ERP27: variants seen among roughly 807,000 people sequenced by gnomAD.
The protein encoded by ERP27 is endoplasmic reticulum resident protein 27.
A neutral mutation model predicts 27.7 loss-of-function variants in ERP27; 23 were observed. That is an observed-to-expected ratio of 0.83 (90% CI 0.60 to 1.18). ERP27 has a LOEUF of 1.18. ERP27 is among the 50% of genes most tolerant of loss of function. ERP27 has a pLI of 0.00. For missense variants in ERP27, 363 were observed against 327.9 expected (o/e 1.11, Z -0.83); for synonymous variants, 159 against 118.3 (o/e 1.34, Z -2.23).
At chr12:14,932,180 G>T (rs1406338107) in intron 3 of ERP27, among the ~76,000 whole-genome samples, 2 of 152,128 alleles carry the variant, frequency 1.3e-5, no homozygotes, top group Non-Finnish European at 2.9e-5. Flanking sequence ...TTCCAGCCTT[G>T]AATAGGTCAT....
chr12:14,934,804 C>T, intron 3 of ERP27, 52 bp downstream of exon 3: 1 of 1,610,244 alleles, frequency 6.2e-7, no homozygotes, highest in South Asian at 1.1e-5. Flanking sequence ...GTTTATGAGT[C>T]CACAACCCAG....
chr12:14,929,268 G>A (rs576448462), intron 3 of ERP27: 1 of 600,272 alleles, frequency 1.7e-6, no homozygotes, highest in East Asian at 3.7e-5. Context: ...AGGATGTTAA[G>A]TGGTGATAAC....
At chr12:14,917,009 TACA>T (rs1863420245) in intron 5 of ERP27, among the ~76,000 whole-genome samples, 166 bp downstream of exon 5, 1 of 152,232 alleles carries the variant, frequency 6.6e-6, no homozygotes, top group African/African-American at 2.4e-5. Flanking sequence ...TATGATAAAA[TACA>T]ACATCTCTAA....
intron 3 of ERP27, among the ~76,000 whole-genome samples, chr12:14,924,449 G>T (rs752234410): frequency 1.3e-5 from 2 of 152,148 alleles, no homozygotes; most frequent in African/African-American, 2.4e-5. Flanking sequence ...TTTGAGGAAT[G>T]TTCATACTGT....
Position 14,914,653 on chromosome 12 carries a change from G to T in ERP27, c.*82C>A. 7.3e-7 allele frequency: 1 copy of T among 1,361,060 alleles called. No individual in the cohort carries two copies. Among genetic ancestry groups the T allele is most frequent in the Non-Finnish European group, 1.0e-6 (1 of 966,520 alleles). The allele number at this position is 1,361,060 out of a possible 1,614,324, so 84.3% of individuals were successfully genotyped here. A position where few individuals can be genotyped will look rare whatever the true frequency, so the allele number is the denominator to read the frequency against. The stretch of plus-strand genomic sequence containing the variant: ...GGTTGGCAGGCCTAGTGATCCTGTT[G>T]TTTAGTGTCTCTGAGATTTGAGTTG... On this transcript the variant is annotated 3_prime_UTR_variant, in exon 7 of 7. Coordinates refer to ENST00000266397, the MANE Select transcript of ERP27 (RefSeq NM_152321.4).
intron 4 of ERP27, among the ~76,000 whole-genome samples, chr12:14,918,989 G>A (rs1047677086): frequency 3.9e-5 from 6 of 152,134 alleles, no homozygotes; most frequent in African/African-American, 7.2e-5. Flanking sequence ...AGTTATCTTG[G>A]CAGAAGGGAT....
intron 5 of ERP27, among the ~76,000 whole-genome samples, chr12:14,916,372 C>T (rs1358984265): frequency 6.6e-6 from 1 of 152,098 alleles, no homozygotes; most frequent in African/African-American, 2.4e-5. Context: ...AGTTTGGGCA[C>T]ATTACTCAGC....
chr12:14,925,674 T>A (rs1335514661), intron 3 of ERP27, among the ~76,000 whole-genome samples: 1 of 152,224 alleles, frequency 6.6e-6, no homozygotes, highest in African/African-American at 2.4e-5. Context: ...TTTTACAGCT[T>A]TTGAATACAG....
At chr12:14,935,351 A>G (rs537180252) in intron 2 of ERP27, among the ~76,000 whole-genome samples, 2 of 152,350 alleles carry the variant, frequency 1.3e-5, no homozygotes, top group South Asian at 4.1e-4. Flanking sequence ...TCTGGGAACA[A>G]TTTGTTTAAC....
chr12:14,925,426 T>C (rs897665547), intron 3 of ERP27, among the ~76,000 whole-genome samples: 1 of 152,224 alleles, frequency 6.6e-6, no homozygotes, highest in Non-Finnish European at 1.5e-5. Context: ...CATAGAAATC[T>C]ATACATTTCC....
intron 4 of ERP27, 139 bp from the exon 5 acceptor site, chr12:14,917,442 C>T: frequency 8.4e-7 from 1 of 1,186,112 alleles, no homozygotes; most frequent in East Asian, 2.4e-5. Flanking sequence ...TCCAAGATGG[C>T]TCTCAGTTAA....
chr12:14,928,975 A>G (rs2120600921), intron 3 of ERP27: 2 of 1,535,338 alleles, frequency 1.3e-6, no homozygotes, highest in African/African-American at 1.4e-5. Flanking sequence ...TCTCCTTCAT[A>G]CTTAAGGCTT....
At chr12:14,920,310 T>G (rs1861695) in intron 4 of ERP27, among the ~76,000 whole-genome samples, 102,855 of 152,076 alleles carry the variant, frequency 0.68, 35,206 homozygotes, top group East Asian at 0.91. Flanking sequence ...GTGTAGGCAC[T>G]TGCTAGTCAA....
intron 3 of ERP27, chr12:14,929,171 C>A (rs1320704202): frequency 7.3e-7 from 1 of 1,370,738 alleles, no homozygotes; most frequent in Non-Finnish European, 9.4e-7. Flanking sequence ...CCGGGCAGTC[C>A]TTCATACTTC....
At chr12:14,915,757 A>T in intron 5 of ERP27, 71 bp from the exon 6 acceptor site, 1 of 1,368,166 alleles carries the variant, frequency 7.3e-7, no homozygotes, top group Non-Finnish European at 1.0e-6. Flanking sequence ...GATACCTTGT[A>T]ATTGTTGCAG....
intron 3 of ERP27, chr12:14,929,064 CCTGA>C (rs1241187494): frequency 3.3e-6 from 5 of 1,530,798 alleles, no homozygotes; most frequent in South Asian, 2.4e-5. Flanking sequence ...CTAAATGCTT[CCTGA>C]CTATTTTTCT....
At chr12:14,921,127 G>C (rs1364050555) in intron 3 of ERP27, 79 bp from the exon 4 acceptor site, 15 of 1,155,284 alleles carry the variant, frequency 1.3e-5, no homozygotes, top group Non-Finnish European at 1.8e-5. Flanking sequence ...ACCCCCATGT[G>C]ACAGGCACTG....
At chr12:14,922,695 A>G (rs1003664848) in intron 3 of ERP27, among the ~76,000 whole-genome samples, 2 of 152,218 alleles carry the variant, frequency 1.3e-5, no homozygotes, top group African/African-American at 4.8e-5. Flanking sequence ...TCATGAAGAT[A>G]TTCTCCTATA....
chr12:14,922,920 C>T (rs10846084), intron 3 of ERP27, among the ~76,000 whole-genome samples: 2 of 151,758 alleles, frequency 1.3e-5, no homozygotes, highest in African/African-American at 4.8e-5. Flanking sequence ...ACTAAAAGTA[C>T]AAAAATTAGC....
Sources: gnomAD v4.1 joint callset for allele counts (sites outside exome capture counted in the v4.1 genomes callset) on GRCh38, gnomAD v4.1.1 for gene constraint, MANE v1.5 for transcripts, NCBI Gene and HGNC (gene_info 2026-07-23, HGNC 2026-07-21) for gene names.